Variants in MSRA observed in about 807,000 individuals in gnomAD.
MSRA encodes the protein mitochondrial peptide methionine sulfoxide reductase.
In MSRA, 54 loss-of-function variants were observed where a neutral mutation model predicts 31.3. The ratio of observed to expected loss-of-function variants is 1.73; its 90% CI spans 1.39 to 2.17. The LOEUF is 2.17. MSRA is among the 30% of genes most tolerant of loss of function. The probability of loss-of-function intolerance (pLI) is 0.00; values close to 1 mark genes in which losing one functional copy is unlikely to be tolerated. For synonymous variants in MSRA, 169 were observed against 116.5 expected (o/e 1.45, Z -2.90); for missense variants, 507 against 300.9 (o/e 1.69, Z -5.07).
intron 3 of MSRA, among the ~76,000 whole-genome samples, chr8:10,253,983 G>A (rs768605538): frequency 1.3e-5 from 2 of 152,146 alleles, no homozygotes; most frequent in Non-Finnish European, 2.9e-5. Context: ...AGACGTGAGC[G>A]GAGCGGCTTG....
intron 1 of MSRA, among the ~76,000 whole-genome samples, chr8:10,055,188 C>T (rs1430186232): frequency 6.6e-6 from 1 of 152,098 alleles, no homozygotes; most frequent in Admixed American, 6.5e-5. Flanking sequence ...CCCTAGTCAC[C>T]CCTCGTGCCC....
At chr8:10,084,035 A>G (rs1452406637) in intron 1 of MSRA, among the ~76,000 whole-genome samples, 1 of 152,192 alleles carries the variant, frequency 6.6e-6, no homozygotes, top group East Asian at 1.9e-4. Flanking sequence ...TTGGAAGTGA[A>G]ATGTGCAAGG....
At chr8:10,098,039 A>T (rs1799294259) in intron 1 of MSRA, among the ~76,000 whole-genome samples, 1 of 152,166 alleles carries the variant, frequency 6.6e-6, no homozygotes. Flanking sequence ...TTTTTTTAAA[A>T]AAAAGTGTGA....
At position 10,356,046 on chromosome 8, in the gene MSRA, C is replaced by G. The variant is rs141639104; in HGVS notation, c.543+36057C>G. Among the ~76,000 whole-genome samples, 622 of 152,270 alleles carry G rather than the reference C, an allele frequency of 4.1e-3. 4 individuals are homozygous for G. The highest frequency in any genetic ancestry group is 0.014 in the African/African-American group (589 of 41,560). On this transcript the variant is annotated intron_variant, in intron 5 of 5. Coordinates refer to ENST00000317173, the MANE Select transcript of MSRA (RefSeq NM_012331.5). Reference sequence around the variant, plus strand: ...CCAGCAGCCCAGACTGCTGTGCCATCGACCTGAAGGCCCTTCATGTATCTG... The same window carrying G: ...CCAGCAGCCCAGACTGCTGTGCCATGGACCTGAAGGCCCTTCATGTATCTG...
At chr8:10,183,808 GTGCTGCTGCTGC>G (rs752435520) in intron 1 of MSRA, among the ~76,000 whole-genome samples, 1 of 100,150 alleles carries the variant, frequency 1.0e-5, no homozygotes. Context: ...GGTGGTGGTG[GTGCTGCTGCTGC>G]TGCTGCTGCT....
intron 1 of MSRA, among the ~76,000 whole-genome samples, chr8:10,055,817 G>T (rs556008915): frequency 6.6e-6 from 1 of 152,188 alleles, no homozygotes; most frequent in African/African-American, 2.4e-5. Context: ...ATTAGAAAAG[G>T]TAGAGGTTTT....
chr8:10,405,007 C>T (rs948286785), intron 5 of MSRA, among the ~76,000 whole-genome samples: 1 of 152,216 alleles, frequency 6.6e-6, no homozygotes, highest in African/African-American at 2.4e-5. Context: ...GATGTGGGGC[C>T]TGGGCCACCC....
chr8:10,074,470 G>C (rs2046548052), intron 1 of MSRA, among the ~76,000 whole-genome samples: 1 of 152,104 alleles, frequency 6.6e-6, no homozygotes, highest in African/African-American at 2.4e-5. Flanking sequence ...GAGTCTCTAA[G>C]TTAGGAAATA....
intron 1 of MSRA, among the ~76,000 whole-genome samples, chr8:10,085,773 C>T (rs1461945947): frequency 2.0e-5 from 3 of 152,208 alleles, no homozygotes; most frequent in East Asian, 1.9e-4. Flanking sequence ...CTCCAGCTAA[C>T]AATTGATCTG....
intron 3 of MSRA, chr8:10,250,282 A>G (rs1268136621): frequency 1.7e-6 from 1 of 600,320 alleles, no homozygotes; most frequent in African/African-American, 1.8e-5. Context: ...TACAGATGAA[A>G]ATATGAAAAG....
intron 1 of MSRA, among the ~76,000 whole-genome samples, chr8:10,092,532 C>T (rs1421739159): frequency 6.6e-6 from 1 of 152,100 alleles, no homozygotes; most frequent in Non-Finnish European, 1.5e-5. Flanking sequence ...GTGGCGCACG[C>T]CTTTAGTCCC....
At chr8:10,293,367 T>G (rs1225415847) in intron 3 of MSRA, among the ~76,000 whole-genome samples, 2 of 152,194 alleles carry the variant, frequency 1.3e-5, no homozygotes, top group African/African-American at 4.8e-5. Flanking sequence ...TTGCTTTGGA[T>G]GCCCTCCCCG....
chr8:10,256,586 C>G (rs188580470), intron 3 of MSRA, among the ~76,000 whole-genome samples: 1 of 152,290 alleles, frequency 6.6e-6, no homozygotes, highest in East Asian at 1.9e-4. Context: ...AAGCACTTAA[C>G]ATTGAAACTT....
At chr8:10,198,820 A>G (rs968683555) in intron 1 of MSRA, among the ~76,000 whole-genome samples, 2 of 152,038 alleles carry the variant, frequency 1.3e-5, no homozygotes, top group African/African-American at 4.8e-5. Context: ...TAGCAATGGG[A>G]GTCTCGCTAT....
At chr8:10,077,540 C>G (rs1200945537) in intron 1 of MSRA, among the ~76,000 whole-genome samples, 2 of 120,334 alleles carry the variant, frequency 1.7e-5, no homozygotes, top group Non-Finnish European at 3.2e-5. Context: ...CCAGGCTGGT[C>G]TTCAACTCAT....
intron 1 of MSRA, among the ~76,000 whole-genome samples, chr8:10,063,639 G>C (rs1370902778): frequency 6.6e-6 from 1 of 152,158 alleles, no homozygotes; most frequent in African/African-American, 2.4e-5. Context: ...AGTGGGATTA[G>C]TGCCCTTGTA....
At chr8:10,100,115 G>A (rs2128932385) in intron 1 of MSRA, among the ~76,000 whole-genome samples, 1 of 152,300 alleles carries the variant, frequency 6.6e-6, no homozygotes, top group East Asian at 1.9e-4. Context: ...GTGAATGTGG[G>A]ATCCTGGGTT....
intron 5 of MSRA, among the ~76,000 whole-genome samples, chr8:10,362,036 A>C (rs1471569481): frequency 2.0e-5 from 3 of 152,144 alleles, no homozygotes; most frequent in Non-Finnish European, 4.4e-5. Flanking sequence ...CCAAGGAAGC[A>C]GACGAAGAAT....
At position 10,089,039 on chromosome 8, in the gene MSRA, A is replaced by G. The variant is rs955401946; in HGVS notation, c.142+34381A>G. Among the ~76,000 whole-genome samples the G allele has an allele frequency of 2.0e-5, 3 of 152,212 alleles. No homozygotes were observed. The East Asian group carries it at 5.8e-4, about 29-fold the overall frequency. The stretch of plus-strand genomic sequence containing the variant: ...GATCAAAGGATAAATAAAAACAGAT[A>G]TATTGGACAAATGAGAGATCTAATG... On this transcript the variant is annotated intron_variant, in intron 1 of 5. Transcript: ENST00000317173.
Sources: allele counts gnomAD v4.1 joint callset (sites outside exome capture counted in the v4.1 genomes callset), GRCh38; gene constraint gnomAD v4.1.1; transcripts MANE v1.5; gene names NCBI Gene and HGNC (gene_info 2026-07-23, HGNC 2026-07-21).